Variants in BOC observed in about 807,000 individuals in gnomAD.
BOC encodes brother of CDO.
A neutral mutation model predicts 112.0 loss-of-function variants in BOC; 76 were observed. That is an observed-to-expected ratio of 0.68 (90% CI 0.56 to 0.82). BOC has a LOEUF of 0.82. Among genes scored for constraint, BOC ranks in the 40% least tolerant of loss-of-function variants. The pLI, the probability that BOC is intolerant of heterozygous loss-of-function variation, is 0.00. For missense variants in BOC, 1,309 were observed against 1,511.7 expected, an observed-to-expected ratio of 0.87 and a Z score of 2.22; for synonymous variants, 580 against 599.8, an observed-to-expected ratio of 0.97 and a Z score of 0.48.
At chr3:113,244,753 A>G (rs1944702196) in intron 2 of BOC, among the ~76,000 whole-genome samples, 1 of 152,248 alleles carries the variant, frequency 6.6e-6, no homozygotes, top group Non-Finnish European at 1.5e-5. Flanking sequence ...ATTAGAATGT[A>G]TGATGAAAGG....
chr3:113,278,185 T>C lies in BOC; in HGVS notation c.1633T>C (p.Leu545=). ...CCTCACCAGACTTGACCCCGGGAGC[T>C]TGTATGAAGTGGAGATGGCAGCTTA... ...LTLTRLDPGS[L]YEVEMAAYNC... is the part of the protein sequence containing the mutation. Residue 545 remains leucine, a synonymous_variant, in exon 10 of 20, where the codon TTG becomes CTG. Coordinates refer to ENST00000682979, the MANE Select transcript of BOC (RefSeq NM_001378074.1). The surrounding 1 kb of genome is among the most constrained non-coding windows in gnomAD (Gnocchi z 4.2). 4.3e-6 allele frequency: 7 copies of C among 1,614,180 alleles called. No homozygotes were observed. Among genetic ancestry groups the C allele is most frequent in the Non-Finnish European group, 5.9e-6 (7 of 1,180,036 alleles).
rs907921367 is a variant in BOC, at chr3:113,274,423, C to G, written c.1283C>G (p.Pro428Arg). ...WQDAELATGT[P>R]PVSPSKLGNP... is the part of the protein sequence containing the mutation. ...GATGCTGAGCTGGCTACTGGCACAC[C>G]TCCTGTATCACCCTCCAAACTCGGC... The change falls in exon 9 of 20, where the codon CCT becomes CGT. Residue 428 changes from proline to arginine, a missense_variant. Transcript: ENST00000682979. This position sits in a 1 kb window ranked among gnomAD's most constrained non-coding sequence, Gnocchi z 4.8. The G allele has an allele frequency of 4.4e-6, 7 of 1,590,254 alleles. No individual in the cohort carries two copies. The African/African-American group carries it at 9.4e-5, about 21-fold the overall frequency.
At chr3:113,253,572 A>C (rs1479209566) in intron 4 of BOC, among the ~76,000 whole-genome samples, 1 of 149,858 alleles carries the variant, frequency 6.7e-6, no homozygotes, top group Non-Finnish European at 1.5e-5. Context: ...AAAACAAATA[A>C]ATAAAATGCA....
chr3:113,272,458 C>A lies in BOC; in HGVS notation c.716C>A (p.Thr239Asn). 1 of 1,614,124 alleles carries A rather than the reference C, an allele frequency of 6.2e-7. No homozygotes were observed. Among genetic ancestry groups the A allele is most frequent in the Non-Finnish European group, 8.5e-7 (1 of 1,180,028 alleles). ...ARIIYPPEAQ[T>N]IIVTKGQSLI... The stretch of plus-strand genomic sequence containing the variant: ...ATCATCTACCCCCCAGAGGCCCAAA[C>A]CATCATCGTCACCAAAGGCCAGAGT... Residue 239 changes from threonine (T) to asparagine (N), a missense_variant, in exon 7 of 20, where the codon ACC becomes AAC. Transcript: ENST00000682979.
chr3:113,281,092 G>T lies in BOC; in HGVS notation c.2373G>T (p.Met791Ile), dbSNP rs747389793. 1 of 1,614,128 alleles carries T rather than the reference G, an allele frequency of 6.2e-7. No homozygotes were observed. Among genetic ancestry groups the T allele is most frequent in the South Asian group, 1.1e-5 (1 of 91,070 alleles). Reference protein sequence around the residue: ...LQPETSYDIKMQCFNEGGESE... With the variant: ...LQPETSYDIKIQCFNEGGESE... ...CAGAGACCTCCTACGACATTAAGAT[G>T]CAGTGCTTCAATGAAGGAGGGGAGA... Residue 791 changes from methionine to isoleucine, a missense_variant, in exon 15 of 20, where the codon ATG (methionine) becomes ATT (isoleucine). Met to Ile is a conservative substitution (Grantham distance 10). Coordinates refer to ENST00000682979, the MANE Select transcript of BOC (RefSeq NM_001378074.1).
chr3:113,217,718 A>G (rs919019409), intron 2 of BOC, among the ~76,000 whole-genome samples: 15 of 152,190 alleles, frequency 9.9e-5, no homozygotes, highest in African/African-American at 3.6e-4. Flanking sequence ...AGTGAATGGT[A>G]GGCCTAAGTA....
intron 2 of BOC, among the ~76,000 whole-genome samples, chr3:113,248,727 G>A (rs529003724): frequency 2.6e-5 from 4 of 152,176 alleles, no homozygotes; most frequent in African/African-American, 4.8e-5. Context: ...GATAAATCTT[G>A]TAAGGACCAT....
In BOC at chr3:113,249,807, T is replaced by G; in HGVS notation, c.5T>G (p.Leu2Arg). Residue 2 changes from leucine to arginine, a missense_variant, in exon 3 of 20, where the codon CTG (leucine) becomes CGG (arginine). Leu to Arg is a moderately radical substitution (Grantham distance 102). Transcript: ENST00000682979. ...TTCAGACCTTTGTGATACACCATGC[T>G]GCGTGGGACGATGACGGCGTGGAGA... M[L>R]RGTMTAWRGM... The G allele has an allele frequency of 6.2e-7, 1 of 1,612,206 alleles. No homozygotes were observed. Among genetic ancestry groups the G allele is most frequent in the Non-Finnish European group, 8.5e-7 (1 of 1,179,522 alleles).
chr3:113,280,615 C>T lies in BOC; in HGVS notation c.2263C>T (p.Pro755Ser), dbSNP rs773888424. The change falls in exon 14 of 20, where the codon CCC becomes TCC. Residue 755 changes from proline (P) to serine (S), a missense_variant. By Grantham distance (74) the Pro-to-Ser change is moderately conservative. Coordinates refer to ENST00000682979, the MANE Select transcript of BOC (RefSeq NM_001378074.1). ...PIHGFYIYYR[P>S]TDSDNDSDYK... ...CCATGGCTTTTATATCTATTATCGA[C>T]CCACAGACAGTGACAATGATAGTGA... 1 of 1,612,778 alleles carries T rather than the reference C, an allele frequency of 6.2e-7. No individual in the cohort carries two copies. The highest frequency in any genetic ancestry group is 8.5e-7 in the Non-Finnish European group (1 of 1,178,768).
At chr3:113,218,060 C>T (rs6782058) in intron 2 of BOC, among the ~76,000 whole-genome samples, 49,874 of 152,044 alleles carry the variant, frequency 0.33, 8,542 homozygotes, top group Middle Eastern at 0.51. Context: ...ATTTTAAGGA[C>T]GTGAAAGTTG....
chr3:113,241,800 T>A (rs1261292088), intron 2 of BOC, among the ~76,000 whole-genome samples: 2 of 152,192 alleles, frequency 1.3e-5, no homozygotes, highest in Non-Finnish European at 1.5e-5. Context: ...GCCAGTGGCT[T>A]GACTGGCAGT....
At chr3:113,259,934 C>A (rs918887064) in intron 4 of BOC, among the ~76,000 whole-genome samples, 1 of 152,190 alleles carries the variant, frequency 6.6e-6, no homozygotes, top group Admixed American at 6.5e-5. Flanking sequence ...TCAGAAAGTT[C>A]CCACCTCTGT....
chr3:113,273,402 T>C, intron 8 of BOC, 61 bp downstream of exon 8: 1 of 1,495,708 alleles, frequency 6.7e-7, no homozygotes, highest in Non-Finnish European at 9.0e-7. Flanking sequence ...TTTTCTCAAA[T>C]GAAATCTAAC....
intron 4 of BOC, among the ~76,000 whole-genome samples, chr3:113,266,300 G>T (rs1293336948): frequency 1.3e-5 from 2 of 152,160 alleles, no homozygotes; most frequent in African/African-American, 4.8e-5. Flanking sequence ...TGTGAAATAA[G>T]CACATCATGG....
Position 113,287,117 on chromosome 3 carries a change from G to A in BOC, c.*255G>A, listed in dbSNP as rs73235156. 0.012 allele frequency: 6,194 copies of A among 500,664 alleles called. 94 individuals carry two copies. Among genetic ancestry groups the A allele is most frequent in the Middle Eastern group, 0.021 (66 of 3,198 alleles). 31.0% of individuals were successfully genotyped at this position (500,664 alleles called of 1,614,324 possible). On this transcript the variant is annotated 3_prime_UTR_variant, in exon 20 of 20. Coordinates refer to ENST00000682979, the MANE Select transcript of BOC (RefSeq NM_001378074.1). ...CCAGGAAAGCACCGCACAGGCTGGC[G>A]CGGGACAGACTCCTAACCTGGGGCC...
chr3:113,276,411 G>A (rs1179672853), intron 9 of BOC, among the ~76,000 whole-genome samples: 1 of 152,170 alleles, frequency 6.6e-6, no homozygotes, highest in East Asian at 1.9e-4. Context: ...GGTACATGGG[G>A]CGCAGGGGAA....
chr3:113,286,299 G>A (rs967916638), intron 19 of BOC, among the ~76,000 whole-genome samples: 1 of 152,132 alleles, frequency 6.6e-6, no homozygotes, highest in Non-Finnish European at 1.5e-5. Context: ...AATCTGGGGG[G>A]ACTGGATTGT....
At chr3:113,218,990 C>T (rs1021269404) in intron 2 of BOC, among the ~76,000 whole-genome samples, 2 of 152,234 alleles carry the variant, frequency 1.3e-5, no homozygotes, top group African/African-American at 4.8e-5. Context: ...GTCACTGACA[C>T]ACCATATAGG....
chr3:113,233,148 G>GGGTGT lies in BOC; in HGVS notation c.-81-16573_-81-16572insGTGTG, dbSNP rs75678874. On this transcript the variant is annotated intron_variant, in intron 2 of 19. Transcript: ENST00000682979. The stretch of plus-strand genomic sequence containing the variant: ...CATGCATGAGCATGTAAAGGATTGG[G>GGGTGT]GTGTGTGTGTGTGTGTGTGTGTGTG... Among the ~76,000 whole-genome samples the GGGTGT allele has an allele frequency of 2.3e-3, 285 of 124,028 alleles. 1 individual carries two copies. Among genetic ancestry groups the GGGTGT allele is most frequent in the Middle Eastern group, 3.9e-3 (1 of 254 alleles). The allele number at this position is 124,028 out of a possible 152,430, so 81.4% of individuals were successfully genotyped here.
Sources: gnomAD v4.1 joint callset for allele counts (sites outside exome capture counted in the v4.1 genomes callset) on GRCh38, gnomAD v4.1.1 for gene constraint, Gnocchi (gnomAD v3.1) non-coding constraint, MANE v1.5 for transcripts, NCBI Gene and HGNC (gene_info 2026-07-23, HGNC 2026-07-21) for gene names.